Variants in CPB1 observed in about 807,000 individuals in gnomAD.
The protein encoded by CPB1 is carboxypeptidase B.
In CPB1, 53 loss-of-function variants were observed where a neutral mutation model predicts 51.4. The ratio of observed to expected loss-of-function variants is 1.03; its 90% CI spans 0.83 to 1.30. The LOEUF (loss-of-function observed/expected upper bound fraction) is 1.30, where lower values mean the gene tolerates loss of function less well. CPB1 is among the 50% of genes most tolerant of loss of function. CPB1 has a pLI of 0.00. For synonymous variants in CPB1, 189 were observed against 186.9 expected (o/e 1.01, Z -0.09); for missense variants, 494 against 516.2 (o/e 0.96, Z 0.42).
rs1713175759 is a variant in CPB1 at position 148,844,546 on chromosome 3, G to A, written c.645G>A (p.Leu215=). ...ELLDKLDFYV[L]PVLNIDGYIY... ...TCGACAAGTTAGACTTTTATGTCCT[G>A]CCTGTGCTCAATATTGATGGCTACA... Residue 215 remains leucine, a synonymous_variant, in exon 7 of 11, where the codon CTG becomes CTA. Coordinates refer to ENST00000282957, the MANE Select transcript of CPB1 (RefSeq NM_001871.3). 1.2e-6 allele frequency: 2 copies of A among 1,613,652 alleles called. No individual in the cohort carries two copies. The highest frequency in any genetic ancestry group is 2.2e-5 in the South Asian group (2 of 91,064).
At chr3:148,830,779 A>G (rs944558861) in intron 2 of CPB1, among the ~76,000 whole-genome samples, 2 of 152,196 alleles carry the variant, frequency 1.3e-5, no homozygotes, top group African/African-American at 4.8e-5. Context: ...CTCTCTTGGA[A>G]AAGACAGAAG....
intron 10 of CPB1, among the ~76,000 whole-genome samples, chr3:148,859,403 C>T (rs1713685524): frequency 6.6e-6 from 1 of 152,198 alleles, no homozygotes; most frequent in Admixed American, 6.5e-5. Context: ...GCCCTGCCCT[C>T]AGCTTCTTCA....
At chr3:148,854,302 T>A (rs1344701418) in intron 9 of CPB1, 2 of 152,200 alleles carry the variant, frequency 1.3e-5, no homozygotes, top group Non-Finnish European at 2.9e-5. Context: ...GAGTAACATT[T>A]GTGAAATTAT....
At chr3:148,855,997 T>C (rs1425471332) in intron 9 of CPB1, 2 of 152,252 alleles carry the variant, frequency 1.3e-5, no homozygotes, top group Admixed American at 6.5e-5. Context: ...CTGGTTTCAA[T>C]TGGCAGTGGA....
chr3:148,833,622 T>C (rs565625012), intron 2 of CPB1, among the ~76,000 whole-genome samples: 1 of 152,218 alleles, frequency 6.6e-6, no homozygotes, highest in South Asian at 2.1e-4. Context: ...ACCTCAGACT[T>C]CTAGGCTTCC....
intron 8 of CPB1, among the ~76,000 whole-genome samples, chr3:148,845,012 A>G (rs1713191703): frequency 1.3e-5 from 2 of 152,104 alleles, no homozygotes; most frequent in Non-Finnish European, 1.5e-5. Flanking sequence ...ACATAATCCT[A>G]CTACTCATGG....
At chr3:148,847,093 A>T (rs1448615092) in intron 9 of CPB1, among the ~76,000 whole-genome samples, 4 of 150,914 alleles carry the variant, frequency 2.7e-5, no homozygotes, top group Admixed American at 6.6e-5. Flanking sequence ...TAATTAAAAT[A>T]AAAAAATTAC....
intron 3 of CPB1, among the ~76,000 whole-genome samples, 163 bp downstream of exon 3, chr3:148,834,785 A>G (rs1269369616): frequency 6.6e-6 from 1 of 152,172 alleles, no homozygotes; most frequent in African/African-American, 2.4e-5. Context: ...AAGTCTTAAG[A>G]CTTCAGTTCT....
At chr3:148,845,401 A>C (rs551291760) in intron 8 of CPB1, 23 bp from the exon 9 acceptor site, 1 of 1,609,270 alleles carries the variant, frequency 6.2e-7, no homozygotes, top group African/African-American at 1.3e-5. Flanking sequence ...GATCCTTGCC[A>C]TTAACATCAT....
intron 3 of CPB1, among the ~76,000 whole-genome samples, chr3:148,835,703 A>G (rs1283095867): frequency 6.6e-6 from 1 of 152,236 alleles, no homozygotes; most frequent in Non-Finnish European, 1.5e-5. Flanking sequence ...GGTCCTGAAC[A>G]TTCAAATGTT....
At chr3:148,842,678 A>G (rs1207768119) in intron 6 of CPB1, among the ~76,000 whole-genome samples, 1 of 152,210 alleles carries the variant, frequency 6.6e-6, no homozygotes, top group East Asian at 1.9e-4. Context: ...AGATGGATGT[A>G]AAATTAGTGG....
At chr3:148,855,974 TG>T (rs1713558578) in intron 9 of CPB1, 1 of 152,364 alleles carries the variant, frequency 6.6e-6, no homozygotes, top group African/African-American at 2.4e-5. Flanking sequence ...CATTATGTAA[TG>T]TTTAACTGGT....
intron 6 of CPB1, among the ~76,000 whole-genome samples, chr3:148,843,689 AATCTACT>A (rs1390583979): frequency 6.6e-6 from 1 of 152,174 alleles, no homozygotes. Flanking sequence ...ATAGAAGTCT[AATCTACT>A]TTAAAGTTTA....
At chr3:148,833,060 T>A (rs16861036) in intron 2 of CPB1, among the ~76,000 whole-genome samples, 11,518 of 152,226 alleles carry the variant, frequency 0.076, 615 homozygotes, top group African/African-American at 0.14. Flanking sequence ...TATCTTCAAT[T>A]GCCCTTCTCT....
chr3:148,828,795 C>CACACATACATACATAAACATAT (rs1712646958), intron 2 of CPB1, among the ~76,000 whole-genome samples: 1 of 152,194 alleles, frequency 6.6e-6, no homozygotes, highest in South Asian at 2.1e-4. Context: ...TATACACACA[C>CACACATACATACATAAACATAT]ACACACATAT....
intron 9 of CPB1, 102 bp downstream of exon 9, chr3:148,845,728 T>A (rs1384268621): frequency 1.1e-6 from 1 of 921,418 alleles, no homozygotes; most frequent in Non-Finnish European, 1.6e-6. Context: ...GAAGTCCCTT[T>A]ATTGATTTTT....
At chr3:148,843,319 T>G (rs552157224) in intron 6 of CPB1, among the ~76,000 whole-genome samples, 13 of 152,236 alleles carry the variant, frequency 8.5e-5, no homozygotes, top group African/African-American at 2.6e-4. Context: ...TCTGTACGTC[T>G]AAAATTATTT....
rs1274958133 is a variant in CPB1, at chr3:148,845,409, C to T, written c.779-15C>T. Reference sequence around the variant, plus strand: ...ACTAGGTGATCCTTGCCATTAACATCATATGTTTTTCCAGAAATTGGAGCC... The same window carrying T: ...ACTAGGTGATCCTTGCCATTAACATTATATGTTTTTCCAGAAATTGGAGCC... On this transcript the variant is annotated splice_polypyrimidine_tract_variant and intron_variant, in intron 8 of 10. Coordinates refer to ENST00000282957, the MANE Select transcript of CPB1 (RefSeq NM_001871.3). 2.5e-6 allele frequency: 4 copies of T among 1,611,386 alleles called. No homozygotes were observed. The highest frequency in any genetic ancestry group is 2.2e-5 in the South Asian group (2 of 91,024).
At chr3:148,841,560 G>A (rs550860891) in intron 5 of CPB1, among the ~76,000 whole-genome samples, 148 of 152,236 alleles carry the variant, frequency 9.7e-4, no homozygotes, top group Middle Eastern at 3.4e-3. Flanking sequence ...ATTAAGCAGG[G>A]TAATCAAGCA....
Sources: gnomAD v4.1 joint callset for allele counts (sites outside exome capture counted in the v4.1 genomes callset) on GRCh38, gnomAD v4.1.1 for gene constraint, MANE v1.5 for transcripts, NCBI Gene and HGNC (gene_info 2026-07-23, HGNC 2026-07-21) for gene names.